The following RAD51B variants were observed in gnomAD, a reference collection of about 807,000 sequenced individuals.
The protein encoded by RAD51B is RAD51 paralog B.
In RAD51B, 38 loss-of-function variants were observed where a neutral mutation model predicts 42.2. The observed-to-expected ratio is 0.90, with a 90% CI of 0.70 to 1.18. RAD51B has a LOEUF of 1.18. RAD51B is among the 50% of genes most tolerant of loss of function. The pLI is 0.00. For missense variants in RAD51B, 373 were observed against 400.7 expected, an observed-to-expected ratio of 0.93 and a Z score of 0.59; for synonymous variants, 154 against 145.2, an observed-to-expected ratio of 1.06 and a Z score of -0.43.
intron 7 of RAD51B, among the ~76,000 whole-genome samples, chr14:68,067,478 A>AAAAC (rs965581701): frequency 1.6e-5 from 2 of 124,082 alleles, no homozygotes; most frequent in African/African-American, 7.1e-5. Context: ...AAAAAAAAAC[A>AAAAC]AAAAAAAAAA....
Position 68,533,715 on chromosome 14 carries a change from A to T in RAD51B, c.1037-60770A>T, listed in dbSNP as rs116523868. On this transcript the variant is annotated intron_variant, in intron 10 of 10. Transcript: ENST00000487270. ...AGTGACCTCAGAAAAGTTAAAATAA[A>T]CTTTACTATGGAAAAAAAAATGTAG... 8.0e-3 allele frequency among the ~76,000 whole-genome samples: 1,215 copies of T among 152,264 alleles called. 15 individuals are homozygous for T. The highest frequency in any genetic ancestry group is 0.028 in the African/African-American group (1,179 of 41,544).
intron 7 of RAD51B, among the ~76,000 whole-genome samples, chr14:68,244,238 G>A (rs2080448944): frequency 6.6e-6 from 1 of 152,148 alleles, no homozygotes; most frequent in South Asian, 2.1e-4. Context: ...CCTCACTGAA[G>A]TCTGATTTGG....
intron 3 of RAD51B, among the ~76,000 whole-genome samples, chr14:67,826,910 T>G (rs576621468): frequency 6.6e-6 from 1 of 152,290 alleles, no homozygotes; most frequent in African/African-American, 2.4e-5. Context: ...CTTGAACTTA[T>G]GAGCTCAAGT....
intron 8 of RAD51B, among the ~76,000 whole-genome samples, chr14:68,397,200 C>A (rs2083949011): frequency 6.6e-6 from 1 of 152,234 alleles, no homozygotes; most frequent in Non-Finnish European, 1.5e-5. Flanking sequence ...TAGTCTTGAT[C>A]ACTTTGCGGA....
chr14:68,433,708 C>G (rs989841706), intron 9 of RAD51B, among the ~76,000 whole-genome samples: 3 of 152,158 alleles, frequency 2.0e-5, no homozygotes, highest in Non-Finnish European at 4.4e-5. Context: ...TCCTTTAGCT[C>G]GGAGAAGTTT....
chr14:67,956,428 A>G (rs1353001894), intron 7 of RAD51B, among the ~76,000 whole-genome samples: 1 of 152,198 alleles, frequency 6.6e-6, no homozygotes, highest in Non-Finnish European at 1.5e-5. Context: ...TAGAGATTGC[A>G]GTGAGCCAGA....
At chr14:68,455,430 G>T (rs1290728060) in intron 9 of RAD51B, among the ~76,000 whole-genome samples, 2 of 151,988 alleles carry the variant, frequency 1.3e-5, no homozygotes, top group Admixed American at 1.3e-4. Flanking sequence ...AAAAAGTAAA[G>T]TGTGTAGCCA....
At chr14:68,327,529 C>G (rs1361171354) in intron 8 of RAD51B, among the ~76,000 whole-genome samples, 1 of 152,048 alleles carries the variant, frequency 6.6e-6, no homozygotes, top group Non-Finnish European at 1.5e-5. Flanking sequence ...AAAGACTCCT[C>G]TGGGAATCCA....
intron 10 of RAD51B, among the ~76,000 whole-genome samples, chr14:68,568,421 T>G (rs1403249723): frequency 6.6e-6 from 1 of 152,198 alleles, no homozygotes; most frequent in Non-Finnish European, 1.5e-5. Context: ...AGAAGCCCAG[T>G]GGTTAAATTG....
At chr14:68,525,939 T>C (rs934740372) in intron 10 of RAD51B, among the ~76,000 whole-genome samples, 3 of 152,216 alleles carry the variant, frequency 2.0e-5, no homozygotes, top group Non-Finnish European at 4.4e-5. Context: ...TCCTCCACCA[T>C]TCCATCACAT....
At chr14:68,614,244 G>A (rs572803911), downstream of RAD51B, among the ~76,000 whole-genome samples, 7 of 152,312 alleles carry the variant, frequency 4.6e-5, no homozygotes, top group African/African-American at 1.7e-4. Flanking sequence ...CCTTTGTAGG[G>A]AGGAGTTGGT....
intron 10 of RAD51B, among the ~76,000 whole-genome samples, chr14:68,635,549 T>C (rs1892324051): frequency 6.6e-6 from 1 of 151,832 alleles, no homozygotes; most frequent in African/African-American, 2.4e-5. Flanking sequence ...GAAATCTAAT[T>C]TATATCATAG....
At chr14:68,266,906 C>A (rs992264074) in intron 7 of RAD51B, among the ~76,000 whole-genome samples, 2 of 152,214 alleles carry the variant, frequency 1.3e-5, no homozygotes, top group Non-Finnish European at 2.9e-5. Flanking sequence ...TGTTTTATCA[C>A]AAATATCAGC....
At chr14:68,128,230 G>A (rs756182821) in intron 7 of RAD51B, among the ~76,000 whole-genome samples, 10 of 152,160 alleles carry the variant, frequency 6.6e-5, no homozygotes, top group Non-Finnish European at 1.3e-4. Flanking sequence ...TCCTTTAGAA[G>A]CTTAATCCTT....
Position 68,291,935 on chromosome 14 carries a change from C to G in RAD51B, c.808C>G (p.Gln270Glu), listed in dbSNP as rs1355406122. ...TTHLSGALAS[Q>E]ADLVSPADDL... ...CCATCTGAGTGGAGCCCTGGCTTCT[C>G]AGGCAGACCTGGTGTCTCCAGCTGA... Residue 270 changes from glutamine (Q) to glutamate (E), a missense_variant, in exon 8 of 11, where the codon CAG becomes GAG. Gln to Glu is a conservative substitution (Grantham distance 29, BLOSUM62 2). Coordinates refer to ENST00000471583, the MANE Select transcript of RAD51B (RefSeq NM_133510.4). 1 of 1,613,818 alleles carries G rather than the reference C, an allele frequency of 6.2e-7. No individual in the cohort carries two copies. The highest frequency in any genetic ancestry group is 1.3e-5 in the African/African-American group (1 of 74,900).
At chr14:68,056,900 G>A (rs750157674) in intron 7 of RAD51B, among the ~76,000 whole-genome samples, 4 of 151,758 alleles carry the variant, frequency 2.6e-5, no homozygotes, top group East Asian at 1.9e-4. Context: ...CCAACATGGC[G>A]AACATGGTGA....
chr14:68,541,869 TCTC>T, intron 10 of RAD51B: 2 of 962,746 alleles, frequency 2.1e-6, no homozygotes, highest in Non-Finnish European at 2.5e-6. Context: ...CCTCATCTCA[TCTC>T]CTCTTTTATT....
At chr14:68,344,797 A>G (rs2082641864) in intron 8 of RAD51B, among the ~76,000 whole-genome samples, 1 of 149,374 alleles carries the variant, frequency 6.7e-6, no homozygotes, top group South Asian at 2.1e-4. Context: ...AATACAAAAA[A>G]CTAGCCAGGC....
chr14:67,831,286 G>C (rs1594967595), intron 3 of RAD51B, among the ~76,000 whole-genome samples: 2 of 152,290 alleles, frequency 1.3e-5, no homozygotes, highest in Middle Eastern at 6.8e-3. Context: ...GGAGTCATTG[G>C]TGTAAATATG....
Sources: allele counts gnomAD v4.1 joint callset (sites outside exome capture counted in the v4.1 genomes callset), GRCh38; gene constraint gnomAD v4.1.1; transcripts MANE v1.5; gene names NCBI Gene and HGNC (gene_info 2026-07-23, HGNC 2026-07-21).